THSD7A: variants seen among roughly 807,000 people sequenced by gnomAD.
THSD7A encodes the protein thrombospondin type-1 domain-containing protein 7A.
THSD7A carries 96 observed loss-of-function variants against 231.3 expected under a neutral mutation model. That is an observed-to-expected ratio of 0.41 (90% confidence interval 0.35 to 0.49). THSD7A has a LOEUF of 0.49. THSD7A is among the 20% of genes least tolerant of loss of function. THSD7A has a pLI of 0.05. For synonymous variants in THSD7A, 940 were observed against 743.3 expected, an observed-to-expected ratio of 1.26 and a Z score of -4.30; for missense variants, 2,290 against 2,070.2, an observed-to-expected ratio of 1.11 and a Z score of -2.06.
chr7:11,686,029 C>T (rs527422950), intron 1 of THSD7A, among the ~76,000 whole-genome samples: 33 of 151,884 alleles, frequency 2.2e-4, no homozygotes, highest in African/African-American at 8.0e-4. Flanking sequence ...GAATACTATA[C>T]AACCATAAAA....
chr7:11,686,762 A>G (rs960094478), intron 1 of THSD7A, among the ~76,000 whole-genome samples: 1 of 151,942 alleles, frequency 6.6e-6, no homozygotes, highest in Non-Finnish European at 1.5e-5. Context: ...GTTCTCATTT[A>G]TAAGTGGGAG....
At chr7:11,786,254 A>G (rs1445270830) in intron 1 of THSD7A, among the ~76,000 whole-genome samples, 6 of 152,076 alleles carry the variant, frequency 3.9e-5, no homozygotes, top group African/African-American at 7.2e-5. Context: ...CACAATAAAG[A>G]CTAGCAAGCC....
At chr7:11,495,973 G>C (rs1360923906) in intron 6 of THSD7A, among the ~76,000 whole-genome samples, 3 of 152,146 alleles carry the variant, frequency 2.0e-5, no homozygotes, top group African/African-American at 4.8e-5. Flanking sequence ...CCAAATGGGA[G>C]AATCTTGTCA....
intron 6 of THSD7A, among the ~76,000 whole-genome samples, chr7:11,529,454 T>C (rs147748987): frequency 6.6e-6 from 1 of 152,066 alleles, no homozygotes; most frequent in Non-Finnish European, 1.5e-5. Flanking sequence ...TCATCTTGAA[T>C]TGTAATCTGA....
chr7:11,550,292 T>G (rs762658404), intron 4 of THSD7A, among the ~76,000 whole-genome samples: 2 of 151,674 alleles, frequency 1.3e-5, no homozygotes, highest in African/African-American at 4.8e-5. Flanking sequence ...GAGTGAAAGA[T>G]CTCTAGAATG....
intron 1 of THSD7A, among the ~76,000 whole-genome samples, chr7:11,758,740 G>A (rs1357286231): frequency 6.6e-6 from 1 of 152,110 alleles, no homozygotes; most frequent in African/African-American, 2.4e-5. Context: ...AGGAATGGAT[G>A]ATATGGCTTA....
At position 11,802,009 on chromosome 7, in the gene THSD7A, A is replaced by T. The variant is rs530116801; in HGVS notation, c.190+29748T>A. On this transcript the variant is annotated intron_variant, in intron 1 of 27. Coordinates refer to ENST00000423059, the MANE Select transcript of THSD7A (RefSeq NM_015204.3). ...TTCAATATGATGTTAAAGGTTATTT[A>T]TATTGACAGCTTTTCTGCCTATTGT... is the stretch of plus-strand genomic sequence containing the variant. Among the ~76,000 whole-genome samples, 3 of 152,362 alleles carry T rather than the reference A, an allele frequency of 2.0e-5. No individual in the cohort carries two copies. The South Asian group carries it at 6.2e-4, about 32-fold the overall frequency.
intron 1 of THSD7A, among the ~76,000 whole-genome samples, chr7:11,692,391 T>C (rs1328342335): frequency 6.6e-6 from 1 of 151,618 alleles, no homozygotes; most frequent in African/African-American, 2.4e-5. Context: ...AGAGCAATTC[T>C]CTATCATTTC....
chr7:11,803,416 G>T (rs901142919), intron 1 of THSD7A, among the ~76,000 whole-genome samples: 1 of 152,012 alleles, frequency 6.6e-6, no homozygotes, highest in African/African-American at 2.4e-5. Flanking sequence ...CTCCATTTTG[G>T]CATAAATGGG....
chr7:11,723,893 T>A (rs1248197421), intron 1 of THSD7A, among the ~76,000 whole-genome samples: 2 of 151,876 alleles, frequency 1.3e-5, no homozygotes. Flanking sequence ...ATTGGAAGGA[T>A]GTTGGATCTT....
Position 11,590,423 on chromosome 7 carries a change from T to C in THSD7A, c.1453+37A>G, listed in dbSNP as rs780432912. On this transcript the variant is annotated intron_variant, in intron 4 of 27. Coordinates refer to ENST00000423059, the MANE Select transcript of THSD7A (RefSeq NM_015204.3). This position sits in a 1 kb window ranked among gnomAD's most constrained non-coding sequence, Gnocchi z 4.4. ...AGAGCAATCACATGCTCAGTCAGTC[T>C]TCATAAGTGAATCCTTGAGAAGAAA... is the stretch of plus-strand genomic sequence containing the variant. The C allele has an allele frequency of 1.0e-4, 164 of 1,582,226 alleles. No homozygotes were observed. The Admixed American group carries it at 2.8e-3, about 27-fold the overall frequency.
chr7:11,600,616 G>A (rs763899125), intron 2 of THSD7A, among the ~76,000 whole-genome samples: 6 of 152,040 alleles, frequency 3.9e-5, no homozygotes, highest in Admixed American at 6.6e-5. Flanking sequence ...TAACTCTTGC[G>A]CATTCTCAAT....
At chr7:11,541,366 C>T (rs1245634814) in intron 6 of THSD7A, 53 bp downstream of exon 6, 7 of 1,547,494 alleles carry the variant, frequency 4.5e-6, no homozygotes, top group African/African-American at 1.4e-5. Context: ...AAAGTAAAAA[C>T]ATATATGCAG....
chr7:11,502,722 C>T (rs1421053405), intron 6 of THSD7A, among the ~76,000 whole-genome samples: 1 of 152,042 alleles, frequency 6.6e-6, no homozygotes, highest in African/African-American at 2.4e-5. Flanking sequence ...CACACACACA[C>T]AAAATACCTA....
chr7:11,685,300 T>C (rs1779997675), intron 1 of THSD7A, among the ~76,000 whole-genome samples: 1 of 151,650 alleles, frequency 6.6e-6, no homozygotes, highest in South Asian at 2.1e-4. Flanking sequence ...AGTACTCTTC[T>C]GGAATTTGGC....
At chr7:11,730,622 C>G (rs1781696949) in intron 1 of THSD7A, among the ~76,000 whole-genome samples, 1 of 151,574 alleles carries the variant, frequency 6.6e-6, no homozygotes, top group Non-Finnish European at 1.5e-5. Context: ...TCTCTTCACC[C>G]AAACATTTTA....
At chr7:11,493,293 G>GGGC (rs1326431747) in intron 6 of THSD7A, among the ~76,000 whole-genome samples, 1 of 151,984 alleles carries the variant, frequency 6.6e-6, no homozygotes, top group African/African-American at 2.4e-5. Flanking sequence ...AGTTTGGGAT[G>GGGC]GGCCAAGATG....
At chr7:11,796,032 CCATATATATATATATATATATATA>C (rs1463362546) in intron 1 of THSD7A, among the ~76,000 whole-genome samples, 1 of 78,406 alleles carries the variant, frequency 1.3e-5, no homozygotes. Context: ...ATTAAATTAG[CCATATATATATATATATATATATA>C]TATATATATA....
intron 1 of THSD7A, among the ~76,000 whole-genome samples, chr7:11,656,553 G>A (rs1280826668): frequency 6.6e-6 from 1 of 151,808 alleles, no homozygotes; most frequent in Non-Finnish European, 1.5e-5. Context: ...AATACACCTT[G>A]ACTCTAGGCA....
Sources: allele counts gnomAD v4.1 joint callset (sites outside exome capture counted in the v4.1 genomes callset), GRCh38; gene constraint gnomAD v4.1.1; non-coding constraint Gnocchi (gnomAD v3.1); transcripts MANE v1.5; gene names NCBI Gene and HGNC (gene_info 2026-07-23, HGNC 2026-07-21).